Variants in MACROH2A1 observed in about 807,000 individuals in gnomAD.
The protein encoded by MACROH2A1 is core histone macro-H2A.1.
Under a neutral mutation model 31.6 loss-of-function variants are expected in MACROH2A1, and 2 were observed. That is an observed-to-expected ratio of 0.06 (90% CI 0.03 to 0.20). The LOEUF is 0.20. Among genes scored for constraint, MACROH2A1 ranks in the 10% least tolerant of loss-of-function variants. The pLI, the probability that MACROH2A1 is intolerant of heterozygous loss-of-function variation, is 1.00. For synonymous variants in MACROH2A1, 169 were observed against 189.6 expected (o/e 0.89, Z 0.89); for missense variants, 230 against 474.0 (o/e 0.49, Z 4.78).
chr5:135,398,752 G>A lies in MACROH2A1; in HGVS notation c.-34+310C>T, dbSNP rs919611609. Among the ~76,000 whole-genome samples the A allele has an allele frequency of 2.0e-5, 3 of 152,240 alleles. No homozygotes were observed. Among genetic ancestry groups the A allele is most frequent in the African/African-American group, 7.2e-5 (3 of 41,472 alleles). On this transcript the variant is annotated intron_variant, in intron 1 of 8. Coordinates refer to ENST00000511689, the MANE Select transcript of MACROH2A1 (RefSeq NM_138610.3). This position sits in a 1 kb window ranked among gnomAD's most constrained non-coding sequence, Gnocchi z 4.6. ...GAGCCCGCCCCAGGAAGGGTCGCCAGGGTAGGCGCCAGCACCGCTTTTTTC... is the reference window on the plus strand; with the variant it reads ...GAGCCCGCCCCAGGAAGGGTCGCCAAGGTAGGCGCCAGCACCGCTTTTTTC...
intron 2 of MACROH2A1, among the ~76,000 whole-genome samples, chr5:135,381,169 T>C (rs1051731072): frequency 6.6e-6 from 1 of 152,206 alleles, no homozygotes. Flanking sequence ...TGGATAACCA[T>C]GTGAAATAAA....
Position 135,396,272 on chromosome 5 carries a change from T to C in MACROH2A1, c.-34+2790A>G, listed in dbSNP as rs368140177. 5.3e-5 allele frequency among the ~76,000 whole-genome samples: 8 copies of C among 152,372 alleles called. No individual in the cohort carries two copies. The East Asian group carries it at 1.3e-3, about 26-fold the overall frequency. On this transcript the variant is annotated intron_variant, in intron 1 of 8. Coordinates refer to ENST00000511689, the MANE Select transcript of MACROH2A1 (RefSeq NM_138610.3). Reference sequence around the variant, plus strand: ...AAGTGTGGGCTTCACAGGACAGGACTCTGATAAGGCTTAGCATGTAGAATC... The same window carrying C: ...AAGTGTGGGCTTCACAGGACAGGACCCTGATAAGGCTTAGCATGTAGAATC...
At chr5:135,350,840 T>A (rs769246121) in intron 6 of MACROH2A1, 1 of 1,610,202 alleles carries the variant, frequency 6.2e-7, no homozygotes, top group Non-Finnish European at 8.5e-7. Flanking sequence ...ACCACCGATG[T>A]AGAAGTCAGT....
At chr5:135,353,680 A>G (rs995378933) in intron 5 of MACROH2A1, 1 of 152,248 alleles carries the variant, frequency 6.6e-6, no homozygotes, top group Admixed American at 6.5e-5. Flanking sequence ...AAGGTTCTCC[A>G]GCAAGACAAT....
chr5:135,382,725 A>G (rs1274126942), intron 2 of MACROH2A1, among the ~76,000 whole-genome samples: 4 of 152,222 alleles, frequency 2.6e-5, no homozygotes, highest in Admixed American at 2.6e-4. Context: ...AGATTGGAAG[A>G]AAATATTTGC....
Position 135,370,029 on chromosome 5 carries a change from C to G in MACROH2A1, c.279+7G>C. 1 of 1,564,454 alleles carries G rather than the reference C, an allele frequency of 6.4e-7. No individual in the cohort carries two copies. The highest frequency in any genetic ancestry group is 8.8e-7 in the Non-Finnish European group (1 of 1,135,130). The stretch of plus-strand genomic sequence containing the variant: ...AAACATCAGTGGGAGATGGGAGAGG[C>G]CCATACCTGATTCAGCTCTTCATCA... On this transcript the variant is annotated splice_region_variant and intron_variant, in intron 3 of 8. Coordinates refer to ENST00000511689, the MANE Select transcript of MACROH2A1 (RefSeq NM_138610.3).
rs1221461364 is a variant in MACROH2A1 at position 135,334,695 on chromosome 5, G to C, written c.*281C>G. The C allele has an allele frequency of 9.5e-6, 3 of 316,286 alleles. No homozygotes were observed. The highest frequency in any genetic ancestry group is 1.2e-5 in the Non-Finnish European group (2 of 169,968). The allele number at this position is 316,286 out of a possible 1,614,324, so 19.6% of individuals were successfully genotyped here. A position where few individuals can be genotyped will look rare whatever the true frequency, so the allele number is the denominator to read the frequency against. On this transcript the variant is annotated 3_prime_UTR_variant, in exon 9 of 9. Coordinates refer to ENST00000511689, the MANE Select transcript of MACROH2A1 (RefSeq NM_138610.3). ...TCCCCACTGCTGTGCGTCAATCAGG[G>C]TTTCATTAAAATAAAACTATAAAAT...
At position 135,335,898 on chromosome 5, in the gene MACROH2A1, C is replaced by A. The variant is rs535951935; in HGVS notation, c.954-757G>T. 1.8e-3 allele frequency among the ~76,000 whole-genome samples: 268 copies of A among 152,282 alleles called. 1 individual carries two copies. The highest frequency in any genetic ancestry group is 6.2e-3 in the African/African-American group (258 of 41,548). ...GGCATGTGGGTAGCCCAGGGGACCCCGGAGGAGATGGGCAGCTTGCCTGGT... is the reference window on the plus strand; with the variant it reads ...GGCATGTGGGTAGCCCAGGGGACCCAGGAGGAGATGGGCAGCTTGCCTGGT... On this transcript the variant is annotated intron_variant, in intron 8 of 8. Coordinates refer to ENST00000511689, the MANE Select transcript of MACROH2A1 (RefSeq NM_138610.3).
At chr5:135,380,507 TG>T (rs202159942) in intron 2 of MACROH2A1, among the ~76,000 whole-genome samples, 1,618 of 152,262 alleles carry the variant, frequency 0.011, 24 homozygotes, top group African/African-American at 0.036. Flanking sequence ...AACACACACT[TG>T]GGTTCCGTAG....
intron 2 of MACROH2A1, among the ~76,000 whole-genome samples, chr5:135,379,822 C>T (rs1765414154): frequency 1.3e-5 from 2 of 152,170 alleles, no homozygotes; most frequent in African/African-American, 4.8e-5. Flanking sequence ...GGTCCCACTC[C>T]TGGGACACTG....
intron 7 of MACROH2A1, 117 bp downstream of exon 7, chr5:135,345,851 T>C (rs1167293444): frequency 1.4e-5 from 10 of 711,236 alleles, no homozygotes; most frequent in Admixed American, 7.8e-5. Context: ...TTGGCCTCCA[T>C]CTTGAAGATG....
chr5:135,335,279 T>C, intron 8 of MACROH2A1, 138 bp from the exon 9 acceptor site: 2 of 637,832 alleles, frequency 3.1e-6, no homozygotes, highest in Non-Finnish European at 5.5e-6. Flanking sequence ...CGTGTCTGCT[T>C]GTACGCCAGT....
Position 135,398,567 on chromosome 5 carries a change from C to T in MACROH2A1, c.-34+495G>A, listed in dbSNP as rs1434131702. Among the ~76,000 whole-genome samples, 2 of 152,244 alleles carry T rather than the reference C, an allele frequency of 1.3e-5. No individual in the cohort carries two copies. Among genetic ancestry groups the T allele is most frequent in the Admixed American group, 6.5e-5 (1 of 15,294 alleles). On this transcript the variant is annotated intron_variant, in intron 1 of 8. Transcript: ENST00000511689. This position sits in a 1 kb window ranked among gnomAD's most constrained non-coding sequence, Gnocchi z 4.6. The stretch of plus-strand genomic sequence containing the variant: ...CGAGCCAGACGCCTACACCTCGGCC[C>T]CCCGGGGCTCGGGCCCGACTTATTG...
chr5:135,389,445 T>G (rs1391601384), intron 1 of MACROH2A1: 2 of 184,020 alleles, frequency 1.1e-5, no homozygotes, highest in Non-Finnish European at 2.2e-5. Flanking sequence ...TTCATACACT[T>G]GAGACTGGGG....
intron 8 of MACROH2A1, among the ~76,000 whole-genome samples, chr5:135,342,603 G>A (rs557980608): frequency 5.3e-5 from 8 of 152,204 alleles, no homozygotes; most frequent in Non-Finnish European, 7.3e-5. Context: ...TGTGTTGGTC[G>A]TGAAGACCTT....
intron 8 of MACROH2A1, among the ~76,000 whole-genome samples, chr5:135,335,652 C>T (rs1758533428): frequency 6.6e-6 from 1 of 152,206 alleles, no homozygotes; most frequent in African/African-American, 2.4e-5. Flanking sequence ...AGCGGTACCA[C>T]CCCAGAGGCC....
chr5:135,363,220 T>C (rs1158419788), intron 4 of MACROH2A1, among the ~76,000 whole-genome samples: 1 of 148,774 alleles, frequency 6.7e-6, no homozygotes, highest in East Asian at 1.9e-4. Context: ...AGAAAGAAAA[T>C]GAGACTAAGA....
chr5:135,383,573 G>C (rs1018398004), intron 2 of MACROH2A1, among the ~76,000 whole-genome samples: 2 of 151,982 alleles, frequency 1.3e-5, no homozygotes, highest in Non-Finnish European at 2.9e-5. Context: ...TAAGCCCCTG[G>C]CTCCTTTCCC....
chr5:135,379,904 C>CT (rs939112856), intron 2 of MACROH2A1, among the ~76,000 whole-genome samples: 57 of 152,004 alleles, frequency 3.7e-4, no homozygotes, highest in East Asian at 2.3e-3. Flanking sequence ...TCCTCTGTGG[C>CT]TTTTTTTTGG....
Sources: gnomAD v4.1 joint callset for allele counts (sites outside exome capture counted in the v4.1 genomes callset) on GRCh38, gnomAD v4.1.1 for gene constraint, Gnocchi (gnomAD v3.1) non-coding constraint, MANE v1.5 for transcripts, NCBI Gene and HGNC (gene_info 2026-07-23, HGNC 2026-07-21) for gene names.